The following SULF2 variants were observed in gnomAD, a reference collection of about 807,000 sequenced individuals.
SULF2 encodes sulfatase 2, also known as extracellular sulfatase Sulf-2.
SULF2 carries 52 observed loss-of-function variants against 107.7 expected under a neutral mutation model. The ratio of observed to expected loss-of-function variants is 0.48; its 90% CI spans 0.39 to 0.61. The LOEUF (loss-of-function observed/expected upper bound fraction) is 0.61. SULF2 is among the 20% of genes least tolerant of loss of function. SULF2 has a pLI of 0.00. For synonymous variants in SULF2, 460 were observed against 464.3 expected (o/e 0.99, Z 0.12); for missense variants, 993 against 1,177.3 (o/e 0.84, Z 2.29).
At chr20:47,725,378 T>C (rs2089411841) in intron 3 of SULF2, among the ~76,000 whole-genome samples, 1 of 152,218 alleles carries the variant, frequency 6.6e-6, no homozygotes, top group African/African-American at 2.4e-5. Flanking sequence ...ATGAGTGATG[T>C]GGTAGGAAAC....
intron 3 of SULF2, among the ~76,000 whole-genome samples, chr20:47,705,571 A>G (rs1338666844): frequency 2.0e-5 from 3 of 152,184 alleles, no homozygotes; most frequent in African/African-American, 7.2e-5. Context: ...AGCTCCTCAA[A>G]GCAGTGGCTC....
intron 4 of SULF2, among the ~76,000 whole-genome samples, chr20:47,700,052 A>T (rs908745162): frequency 7.2e-5 from 11 of 152,168 alleles, no homozygotes; most frequent in African/African-American, 2.7e-4. Flanking sequence ...TGGTCTGGGG[A>T]AAGAATGTAC....
At chr20:47,751,405 A>G (rs2090154900) in intron 2 of SULF2, among the ~76,000 whole-genome samples, 1 of 152,230 alleles carries the variant, frequency 6.6e-6, no homozygotes, top group Non-Finnish European at 1.5e-5. Flanking sequence ...ACTGTGTTCC[A>G]TTCCCCTGAA....
chr20:47,750,729 AACC>A (rs1303240306), intron 2 of SULF2, among the ~76,000 whole-genome samples: 1 of 152,182 alleles, frequency 6.6e-6, no homozygotes, highest in Admixed American at 6.5e-5. Context: ...CGGTCCATCC[AACC>A]ACCACCTCCC....
At chr20:47,715,389 C>T (rs1035367834) in intron 3 of SULF2, among the ~76,000 whole-genome samples, 4 of 152,188 alleles carry the variant, frequency 2.6e-5, no homozygotes, top group African/African-American at 9.7e-5. Flanking sequence ...GTGCTTCTCC[C>T]ACCAGAGTAC....
At chr20:47,741,411 CTT>C in intron 2 of SULF2, among the ~76,000 whole-genome samples, 1 of 152,260 alleles carries the variant, frequency 6.6e-6, no homozygotes, top group Middle Eastern at 3.4e-3. Flanking sequence ...CCCTTCTTGT[CTT>C]TACTCAAAAG....
chr20:47,659,494 A>C (rs1414601187), intron 19 of SULF2, 42 bp from the exon 20 acceptor site: 1 of 1,604,848 alleles, frequency 6.2e-7, no homozygotes. Context: ...GTTAACCATC[A>C]CCAAGAAAGA....
At chr20:47,663,330 C>G in intron 16 of SULF2, 118 bp from the exon 17 acceptor site, 1 of 1,576,664 alleles carries the variant, frequency 6.3e-7, no homozygotes, top group Non-Finnish European at 8.6e-7. Context: ...AGAGGCTGTC[C>G]CGAGCACCGT....
chr20:47,669,522 G>A (rs1470241477), intron 11 of SULF2, among the ~76,000 whole-genome samples: 2 of 152,172 alleles, frequency 1.3e-5, no homozygotes, highest in African/African-American at 2.4e-5. Flanking sequence ...GTCCCCTGGG[G>A]GACAGAAAGC....
chr20:47,767,724 G>T (rs545327570), intron 1 of SULF2, among the ~76,000 whole-genome samples: 1 of 152,228 alleles, frequency 6.6e-6, no homozygotes, highest in Non-Finnish European at 1.5e-5. Context: ...GCAGTGAGCC[G>T]AGATTGCGCT....
chr20:47,723,039 G>C (rs1318892314), intron 3 of SULF2, among the ~76,000 whole-genome samples: 1 of 151,918 alleles, frequency 6.6e-6, no homozygotes, highest in Non-Finnish European at 1.5e-5. Context: ...AGCACTCCAG[G>C]CTGGGCGACA....
chr20:47,724,075 G>C (rs1219394940), intron 3 of SULF2, among the ~76,000 whole-genome samples: 3 of 152,214 alleles, frequency 2.0e-5, no homozygotes, highest in Non-Finnish European at 2.9e-5. Context: ...CCAAGGAAGG[G>C]ACAGATAGGA....
intron 4 of SULF2, among the ~76,000 whole-genome samples, chr20:47,690,688 G>A (rs1045180609): frequency 6.6e-6 from 1 of 151,976 alleles, no homozygotes; most frequent in East Asian, 1.9e-4. Flanking sequence ...TGGCCAACAC[G>A]GTGAAACACC....
chr20:47,695,898 C>G (rs183794705), intron 4 of SULF2, among the ~76,000 whole-genome samples: 191 of 152,360 alleles, frequency 1.3e-3, no homozygotes, highest in African/African-American at 4.5e-3. Flanking sequence ...CAGGCATGAA[C>G]CACTGCGCCT....
chr20:47,756,541 A>C (rs79434320), intron 2 of SULF2, among the ~76,000 whole-genome samples: 1,536 of 152,306 alleles, frequency 0.01, 34 homozygotes, highest in African/African-American at 0.035. Flanking sequence ...TTATCCTTTA[A>C]GAGTGGACAG....
intron 4 of SULF2, among the ~76,000 whole-genome samples, chr20:47,701,921 CA>C (rs1299747690): frequency 2.0e-5 from 3 of 152,182 alleles, no homozygotes; most frequent in East Asian, 3.8e-4. Context: ...GCTCATTACA[CA>C]TGTCCGTTCA....
At chr20:47,735,742 C>T (rs1194733198) in intron 3 of SULF2, among the ~76,000 whole-genome samples, 6 of 152,192 alleles carry the variant, frequency 3.9e-5, no homozygotes, top group Non-Finnish European at 8.8e-5. Flanking sequence ...TAAGAAGACA[C>T]ACCTTACTGG....
intron 4 of SULF2, among the ~76,000 whole-genome samples, chr20:47,693,153 A>C (rs1184368221): frequency 6.6e-6 from 1 of 152,272 alleles, no homozygotes; most frequent in Non-Finnish European, 1.5e-5. Context: ...ATGTTATATA[A>C]ATCAAAGAGC....
intron 1 of SULF2, among the ~76,000 whole-genome samples, chr20:47,764,170 C>T (rs1427851055): frequency 2.0e-5 from 3 of 152,226 alleles, no homozygotes; most frequent in Non-Finnish European, 4.4e-5. Flanking sequence ...TTCACCTTGG[C>T]AGGTTAAAAC....
Sources: gnomAD v4.1 joint callset for allele counts (sites outside exome capture counted in the v4.1 genomes callset) on GRCh38, gnomAD v4.1.1 for gene constraint, MANE v1.5 for transcripts, NCBI Gene and HGNC (gene_info 2026-07-23, HGNC 2026-07-21) for gene names.